Variants in PRKAG1 observed in about 807,000 individuals in gnomAD.
The protein encoded by PRKAG1 is protein kinase AMP-activated non-catalytic subunit gamma 1, also known as 5'-AMP-activated protein kinase subunit gamma-1.
A neutral mutation model predicts 48.2 loss-of-function variants in PRKAG1; 27 were observed. The ratio of observed to expected loss-of-function variants is 0.56; its 90% CI spans 0.41 to 0.77. PRKAG1 has a LOEUF of 0.77. Among genes scored for constraint, PRKAG1 ranks in the 30% least tolerant of loss-of-function variants. The pLI is 0.00. For synonymous variants in PRKAG1, 130 were observed against 147.7 expected (o/e 0.88, Z 0.87); for missense variants, 287 against 398.3 (o/e 0.72, Z 2.38).
At chr12:49,009,138 T>A (rs978500155) in intron 2 of PRKAG1, among the ~76,000 whole-genome samples, 4 of 150,732 alleles carry the variant, frequency 2.7e-5, no homozygotes, top group Non-Finnish European at 5.9e-5. Context: ...TTTTTTTTTT[T>A]AAAGAGACAG....
chr12:49,002,889 T>C lies in PRKAG1; in HGVS notation c.*10A>G, dbSNP rs201416536. On this transcript the variant is annotated 3_prime_UTR_variant, in exon 12 of 12. Coordinates refer to ENST00000548065, the MANE Select transcript of PRKAG1 (RefSeq NM_002733.5). ...ATATCCCCTGGTGCTGCATGACCCC[T>C]TCCCCCAGCTCAGGGCTTCTTCTCT... is the stretch of plus-strand genomic sequence containing the variant. 15 of 1,611,208 alleles carry C rather than the reference T, an allele frequency of 9.3e-6. No homozygotes were observed. Among genetic ancestry groups the C allele is most frequent in the Non-Finnish European group, 1.3e-5 (15 of 1,177,550 alleles).
rs1739670563 is a variant in PRKAG1 at position 49,005,767 on chromosome 12, C to T, written c.144G>A (p.Leu48=). The change falls in exon 3 of 12, where the codon TTG becomes TTA. Residue 48 remains leucine, a synonymous_variant. Transcript: ENST00000548065. The surrounding 1 kb of genome is among the most constrained non-coding windows in gnomAD (Gnocchi z 4.1). The part of the protein sequence containing the change: ...CYDLIPTSSK[L]VVFDTSLQVK... ...CCTGCAGGGACGTATCAAATACAAC[C>T]AATTTGGAGCTTGTGGGAATCAGGT... 6.2e-7 allele frequency: 1 copy of T among 1,613,906 alleles called. No individual in the cohort carries two copies. Among genetic ancestry groups the T allele is most frequent in the African/African-American group, 1.3e-5 (1 of 74,898 alleles).
In PRKAG1 at chr12:49,018,720, T is replaced by G. The variant is rs1210924765; in HGVS notation, c.9+12A>C. The G allele has an allele frequency of 6.2e-7, 1 of 1,613,458 alleles. No individual in the cohort carries two copies. ...TCCACAGCGCCCCCGACCGCCCTCC[T>G]GCACTCCTCACCGTCTCCATTGCAA... On this transcript the variant is annotated intron_variant, in intron 1 of 11. Coordinates refer to ENST00000548065, the MANE Select transcript of PRKAG1 (RefSeq NM_002733.5).
intron 7 of PRKAG1, 121 bp from the exon 8 acceptor site, chr12:49,004,754 G>C: frequency 6.8e-7 from 1 of 1,471,510 alleles, no homozygotes; most frequent in Non-Finnish European, 9.4e-7. Flanking sequence ...GCAGTGTACA[G>C]GCCAGACTTA....
At chr12:49,003,103 G>A in intron 11 of PRKAG1, 41 bp downstream of exon 11, 6 of 1,613,744 alleles carry the variant, frequency 3.7e-6, no homozygotes, top group Non-Finnish European at 5.1e-6. Flanking sequence ...CACTCTCAAG[G>A]CTGCTCCCCT....
At position 49,013,106 on chromosome 12, in the gene PRKAG1, A is replaced by G; in HGVS notation, c.14T>C (p.Ile5Thr). The change falls in exon 2 of 12, where the codon ATT becomes ACT. Residue 5 changes from isoleucine (I) to threonine (T), a missense_variant. Ile to Thr is a moderately conservative substitution (Grantham distance 89). Around this residue, in one of 2 missense-constraint regions of PRKAG1, gnomAD observed 63 missense variants for 54.0 expected, o/e 1.17. Coordinates refer to ENST00000548065, the MANE Select transcript of PRKAG1 (RefSeq NM_002733.5). Reference protein sequence around the residue: METVISSDSSPAVEN... With the variant: METVTSSDSSPAVEN... ...CACAGCTGGGGAGCTATCTGAAGAA[A>G]TGACCTGGAGAGATAAGAAAACAGA... 1 of 1,613,690 alleles carries G rather than the reference A, an allele frequency of 6.2e-7. No homozygotes were observed. The highest frequency in any genetic ancestry group is 1.1e-5 in the South Asian group (1 of 91,070).
At position 49,004,816 on chromosome 12, in the gene PRKAG1, TGTG is replaced by T. The variant is rs1565732932; in HGVS notation, c.410+145_410+147del. ...GAGAATGAGAGAGAGAGAGAGACTG[TGTG>T]TGTGTGTGTGTGTGTGTGTGTGTGT... On this transcript the variant is annotated intron_variant, in intron 7 of 11. Coordinates refer to ENST00000548065, the MANE Select transcript of PRKAG1 (RefSeq NM_002733.5). 101 of 217,068 alleles carry T rather than the reference TGTG, an allele frequency of 4.7e-4. No individual in the cohort carries two copies. The African/African-American group carries it at 7.3e-3, about 16-fold the overall frequency. 13.4% of individuals were successfully genotyped at this position (217,068 alleles called of 1,614,324 possible). A position where few individuals can be genotyped will look rare whatever the true frequency, so the allele number is the denominator to read the frequency against.
rs775915312 is a variant in PRKAG1 at position 49,002,959 on chromosome 12, A to T, written c.936T>A (p.Ile312=). 3 of 1,614,226 alleles carry T rather than the reference A, an allele frequency of 1.9e-6. No homozygotes were observed. Among genetic ancestry groups the T allele is most frequent in the Middle Eastern group, 1.6e-4 (1 of 6,062 alleles). Reference sequence around the variant, plus strand: ...CCTGCAGGATGTCAGACAGTGATACAATTCCCTTGACCACATCATTTTCAT... The same window carrying T: ...CCTGCAGGATGTCAGACAGTGATACTATTCCCTTGACCACATCATTTTCAT... ...VVDENDVVKG[I]VSLSDILQAL... Residue 312 remains isoleucine, a synonymous_variant, in exon 12 of 12, where the codon ATT becomes ATA. Transcript: ENST00000548065.
At chr12:49,004,148 C>T in intron 8 of PRKAG1, 1 of 571,796 alleles carries the variant, frequency 1.7e-6, no homozygotes, top group Non-Finnish European at 2.9e-6. Flanking sequence ...AAAAATTAGC[C>T]AGGTGTGGTG....
intron 1 of PRKAG1, chr12:49,017,353 A>ACCT: frequency 2.9e-6 from 1 of 342,016 alleles, no homozygotes; most frequent in Non-Finnish European, 5.6e-6. Flanking sequence ...GGCACACACC[A>ACCT]CCACCACCAC....
intron 8 of PRKAG1, 31 bp from the exon 9 acceptor site, chr12:49,003,953 A>C: frequency 6.4e-7 from 1 of 1,560,942 alleles, no homozygotes; most frequent in Non-Finnish European, 8.7e-7. Flanking sequence ...TTAACTTTCA[A>C]GGCACCCAAA....
intron 1 of PRKAG1, chr12:49,018,482 A>G (rs1942096530): frequency 1.4e-6 from 2 of 1,383,168 alleles, no homozygotes; most frequent in Non-Finnish European, 1.9e-6. Context: ...CCAAGGAGGG[A>G]GCCAGGAGTC....
Position 49,005,514 on chromosome 12 carries a change from A to G in PRKAG1, c.198T>C (p.Thr66=). Residue 66 remains threonine (T), a synonymous_variant, in exon 4 of 12, where the codon ACT becomes ACC. Coordinates refer to ENST00000548065, the MANE Select transcript of PRKAG1 (RefSeq NM_002733.5). The surrounding 1 kb of genome is among the most constrained non-coding windows in gnomAD (Gnocchi z 4.1). ...QVKKAFFALV[T]NGVRAAPLWD... is the part of the protein sequence containing the mutation. ...ATAAAGGGGCAGCTCGTACACCGTT[A>G]GTCACCAAAGCAAAAAAAGCTTTCT... 6.2e-7 allele frequency: 1 copy of G among 1,614,238 alleles called. No individual in the cohort carries two copies. The highest frequency in any genetic ancestry group is 8.5e-7 in the Non-Finnish European group (1 of 1,180,046).
chr12:49,009,670 T>C (rs955828032), intron 2 of PRKAG1, among the ~76,000 whole-genome samples: 23 of 152,112 alleles, frequency 1.5e-4, no homozygotes, highest in Non-Finnish European at 3.2e-4. Context: ...TGGAGTGCAA[T>C]GGTGCAATCT....
At chr12:49,010,083 T>A (rs1941696452) in intron 2 of PRKAG1, among the ~76,000 whole-genome samples, 1 of 152,230 alleles carries the variant, frequency 6.6e-6, no homozygotes, top group African/African-American at 2.4e-5. Flanking sequence ...GTTTGCTTTT[T>A]CATTTTTATT....
intron 2 of PRKAG1, chr12:49,008,469 T>C (rs1458009067): frequency 6.6e-6 from 1 of 152,222 alleles, no homozygotes; most frequent in African/African-American, 2.4e-5. Context: ...ACTGCTGTCA[T>C]CCTGGGATCT....
At chr12:49,018,476 G>T (rs1290308390) in intron 1 of PRKAG1, 4 of 1,360,424 alleles carry the variant, frequency 2.9e-6, no homozygotes, top group African/African-American at 1.5e-5. Flanking sequence ...TGGGCCCCAA[G>T]GAGGGAGCCA....
rs1362437689 is a variant in PRKAG1 at position 49,005,909 on chromosome 12, GA to G, written c.59-58del. ...TCCACATAAAAACTCCCAATCAAAAGAGACAGAAAACAAAATAGTGTTCTAG... is the reference window on the plus strand; with the variant it reads ...TCCACATAAAAACTCCCAATCAAAAGGACAGAAAACAAAATAGTGTTCTAG... On this transcript the variant is annotated intron_variant, in intron 2 of 11. Coordinates refer to ENST00000548065, the MANE Select transcript of PRKAG1 (RefSeq NM_002733.5). This position sits in a 1 kb window ranked among gnomAD's most constrained non-coding sequence, Gnocchi z 4.1. The G allele has an allele frequency of 7.6e-7, 1 of 1,315,098 alleles. No individual in the cohort carries two copies. The highest frequency in any genetic ancestry group is 1.1e-6 in the Non-Finnish European group (1 of 950,318). The allele number at this position is 1,315,098 out of a possible 1,614,324, so 81.5% of individuals were successfully genotyped here.
Position 49,005,244 on chromosome 12 carries a change from A to T in PRKAG1, c.309+62T>A. The T allele has an allele frequency of 6.2e-7, 1 of 1,612,928 alleles. No homozygotes were observed. The highest frequency in any genetic ancestry group is 8.5e-7 in the Non-Finnish European group (1 of 1,178,954). On this transcript the variant is annotated intron_variant, in intron 5 of 11. Transcript: ENST00000548065. This position sits in a 1 kb window ranked among gnomAD's most constrained non-coding sequence, Gnocchi z 4.1. ...CTCGTGGCTTGCTTGGAGAAAAAGAAATGAGAATGAGGGATTTAGGGCAGG... is the reference window on the plus strand; with the variant it reads ...CTCGTGGCTTGCTTGGAGAAAAAGATATGAGAATGAGGGATTTAGGGCAGG...
Sources: allele counts gnomAD v4.1 joint callset (sites outside exome capture counted in the v4.1 genomes callset), GRCh38; gene constraint gnomAD v4.1.1; regional missense constraint gnomAD v4.1.1; non-coding constraint Gnocchi (gnomAD v3.1); transcripts MANE v1.5; gene names NCBI Gene and HGNC (gene_info 2026-07-23, HGNC 2026-07-21).